Variants in TRIM37 observed in about 807,000 individuals in gnomAD.
TRIM37 encodes tripartite motif containing 37.
In TRIM37, 80 loss-of-function variants were observed where a neutral mutation model predicts 129.8. That is an observed-to-expected ratio of 0.62 (90% CI 0.51 to 0.74). TRIM37 has a LOEUF of 0.74. TRIM37 is among the 30% of genes least tolerant of loss of function. The pLI is 0.00. For missense variants in TRIM37, 1,054 were observed against 1,176.5 expected, an observed-to-expected ratio of 0.90 and a Z score of 1.52; for synonymous variants, 389 against 387.1, an observed-to-expected ratio of 1.00 and a Z score of -0.06.
At chr17:59,091,046 T>A (rs898871323) in intron 3 of TRIM37, among the ~76,000 whole-genome samples, 7 of 152,166 alleles carry the variant, frequency 4.6e-5, no homozygotes, top group African/African-American at 1.7e-4. Context: ...ATTTGTTGCT[T>A]AATTATAAAA....
In TRIM37 at chr17:59,041,036, G is replaced by A. The variant is rs1449156926; in HGVS notation, c.1753+777C>T. 3.3e-5 allele frequency among the ~76,000 whole-genome samples: 5 copies of A among 151,742 alleles called. No homozygotes were observed. The East Asian group carries it at 9.7e-4, about 29-fold the overall frequency. Reference sequence around the variant, plus strand: ...AGTCCGCAGTCCGACCTGGGCGACAGAGCGAGACTCCGTCTCAAAAAAAAA... The same window carrying A: ...AGTCCGCAGTCCGACCTGGGCGACAAAGCGAGACTCCGTCTCAAAAAAAAA... On this transcript the variant is annotated intron_variant, in intron 17 of 23. Coordinates refer to ENST00000262294, the MANE Select transcript of TRIM37 (RefSeq NM_015294.6).
Position 59,070,825 on chromosome 17 carries a change from G to A in TRIM37, c.807C>T (p.Thr269=), listed in dbSNP as rs987070540. The A allele has an allele frequency of 5.6e-6, 9 of 1,613,706 alleles. No homozygotes were observed. In the African/African-American group the frequency reaches 1.2e-4, roughly 22 times the overall value. ...FVTTPVPPDF[T]SELVPSYDSA... ...TGAAATTAAAAACTGTGTCATACCTGGTAAAGTCTGGTGGAACAGGAGTGG... is the reference window on the plus strand; with the variant it reads ...TGAAATTAAAAACTGTGTCATACCTAGTAAAGTCTGGTGGAACAGGAGTGG... Residue 269 remains threonine (T), a splice_region_variant and synonymous_variant, in exon 9 of 24, where the codon ACC becomes ACT. Transcript: ENST00000262294.
intron 9 of TRIM37, among the ~76,000 whole-genome samples, chr17:59,067,117 G>C (rs2041978516): frequency 6.6e-6 from 1 of 152,098 alleles, no homozygotes; most frequent in African/African-American, 2.4e-5. Context: ...TCGGCTCACT[G>C]ATTTTGCATT....
At chr17:59,003,656 A>AAAC (rs576929025) in intron 22 of TRIM37, among the ~76,000 whole-genome samples, 1,769 of 151,848 alleles carry the variant, frequency 0.012, 17 homozygotes, top group Middle Eastern at 0.038. Context: ...AAAAAAAAAA[A>AAAC]AAAAAACCTA....
chr17:59,052,367 C>T (rs540526046), intron 13 of TRIM37, among the ~76,000 whole-genome samples: 17 of 152,278 alleles, frequency 1.1e-4, no homozygotes, highest in African/African-American at 4.1e-4. Flanking sequence ...ATTTGGACAT[C>T]TACATCTCTC....
At chr17:58,980,441 C>A (rs200537682), downstream of TRIM37, 181 of 1,614,062 alleles carry the variant, frequency 1.1e-4, 5 homozygotes, top group South Asian at 2.0e-3. The surrounding 1 kb of genome is among the most constrained non-coding windows in gnomAD (Gnocchi z 4.7). Flanking sequence ...CCCAGGGTCC[C>A]AAATCAACGT....
downstream of TRIM37, among the ~76,000 whole-genome samples, chr17:58,996,469 C>CAAAAAA (rs776770215): frequency 1.3e-5 from 1 of 79,070 alleles, no homozygotes; most frequent in East Asian, 3.6e-4. Flanking sequence ...GAACCTGTCT[C>CAAAAAA]AAAAAAAAAA....
chr17:59,024,082 C>A lies in TRIM37; in HGVS notation c.2257+4333G>T, dbSNP rs140890543. 2.4e-3 allele frequency among the ~76,000 whole-genome samples: 360 copies of A among 151,936 alleles called. 4 individuals carry two copies. Among genetic ancestry groups the A allele is most frequent in the African/African-American group, 8.3e-3 (344 of 41,448 alleles). On this transcript the variant is annotated intron_variant, in intron 19 of 23. Transcript: ENST00000262294. ...TACAAAAACTAGCCGGGCGTGGTGG[C>A]ATGTGCCTCTAATCCCAGCTACTTG...
intron 24 of TRIM37, among the ~76,000 whole-genome samples, chr17:58,990,178 C>CAAAAAA (rs35076409): frequency 3.9e-5 from 1 of 25,594 alleles, no homozygotes; most frequent in Admixed American, 7.8e-4. Flanking sequence ...GACCTTGTCT[C>CAAAAAA]AAAAAAAAAA....
At chr17:59,045,670 T>A (rs1229117130) in intron 16 of TRIM37, among the ~76,000 whole-genome samples, 2 of 150,886 alleles carry the variant, frequency 1.3e-5, no homozygotes, top group Non-Finnish European at 3.0e-5. Context: ...GAAAAAAAAT[T>A]ACACACTATG....
intron 2 of TRIM37, among the ~76,000 whole-genome samples, chr17:59,098,668 TAAAAA>T (rs57583644): frequency 1.9e-5 from 2 of 103,760 alleles, no homozygotes; most frequent in South Asian, 3.4e-4. Flanking sequence ...CTGTCTCATT[TAAAAA>T]AAAAAAAAAA....
At chr17:58,998,069 G>T, downstream of TRIM37, 1 of 316,382 alleles carries the variant, frequency 3.2e-6, no homozygotes, top group Non-Finnish European at 4.6e-6. Context: ...TGGGATCGAT[G>T]CTAGGCATCA....
intron 16 of TRIM37, 123 bp from the exon 17 acceptor site, chr17:59,042,021 G>A: frequency 1.4e-6 from 1 of 710,304 alleles, no homozygotes; most frequent in South Asian, 1.6e-5. Context: ...AATACAAAAA[G>A]GAGAAAGATT....
At chr17:59,032,511 G>A (rs2037982133) in intron 17 of TRIM37, among the ~76,000 whole-genome samples, 4 of 124,174 alleles carry the variant, frequency 3.2e-5, no homozygotes, top group South Asian at 2.7e-4. Context: ...CGGCCTGGGC[G>A]ACAGAGCGAG....
intron 17 of TRIM37, among the ~76,000 whole-genome samples, chr17:59,037,091 G>A (rs896327531): frequency 6.6e-6 from 1 of 151,820 alleles, no homozygotes; most frequent in Non-Finnish European, 1.5e-5. Flanking sequence ...CTCCAGCCTG[G>A]GCAATACAGC....
At position 58,991,904 on chromosome 17, in the gene TRIM37, C is replaced by A. The variant is rs550243546; in HGVS notation, c.2891+7477G>T. On this transcript the variant is annotated intron_variant, in intron 24 of 24. Transcript: ENST00000393066. ...TATGACTCAGTGCAATGAGTGCTGA[C>A]ACCAACCACCCGGAGTTAGGTCAAA... Among the ~76,000 whole-genome samples, 100 of 152,182 alleles carry A rather than the reference C, an allele frequency of 6.6e-4. 1 individual carries two copies. Among genetic ancestry groups the A allele is most frequent in the African/African-American group, 2.4e-3 (99 of 41,516 alleles).
intron 5 of TRIM37, among the ~76,000 whole-genome samples, chr17:59,081,937 C>CAAAAAAAAAAAAAAAAAA (rs1157296161): frequency 4.1e-5 from 2 of 48,900 alleles, no homozygotes; most frequent in African/African-American, 1.7e-4. Context: ...TAATAAAAAC[C>CAAAAAAAAAAAAAAAAAA]AAAAAAAAAA....
the TRIM37 span, among the ~76,000 whole-genome samples, chr17:58,968,416 C>T: frequency 3.3e-5 from 5 of 152,158 alleles, no homozygotes; most frequent in Admixed American, 6.5e-5. Flanking sequence ...CAAAGTGAGA[C>T]GCTGACTCCA....
chr17:59,043,195 T>C (rs1427560177), intron 16 of TRIM37, among the ~76,000 whole-genome samples: 1 of 152,200 alleles, frequency 6.6e-6, no homozygotes, highest in East Asian at 1.9e-4. Flanking sequence ...CTTGAAACAG[T>C]ACCAGTCAAT....
Sources: allele counts gnomAD v4.1 joint callset (sites outside exome capture counted in the v4.1 genomes callset), GRCh38; gene constraint gnomAD v4.1.1; non-coding constraint Gnocchi (gnomAD v3.1); transcripts MANE v1.5; gene names NCBI Gene and HGNC (gene_info 2026-07-23, HGNC 2026-07-21).